The following OTOG variants were observed in gnomAD, a reference collection of about 807,000 sequenced individuals.
OTOG encodes the protein otogelin.
In OTOG, 296 loss-of-function variants were observed where a neutral mutation model predicts 313.8. The observed-to-expected ratio is 0.94, with a 90% CI of 0.86 to 1.04. OTOG has a LOEUF of 1.04. OTOG is among the 50% of genes least tolerant of loss of function. The pLI, the probability that OTOG is intolerant of heterozygous loss-of-function variation, is 0.00. For synonymous variants in OTOG, 1,533 were observed against 1,554.9 expected (o/e 0.99, Z 0.33); for missense variants, 3,948 against 3,840.1 (o/e 1.03, Z -0.74).
intron 24 of OTOG, among the ~76,000 whole-genome samples, chr11:17,588,316 G>A (rs1056572884): frequency 1.8e-4 from 27 of 152,212 alleles, no homozygotes; most frequent in African/African-American, 6.5e-4. Context: ...GGAGGCAGGT[G>A]CTGGAGATGT....
rs1469491952 is a variant in OTOG, at chr11:17,635,075, C to T, written c.7586-5C>T. 1.3e-6 allele frequency: 2 copies of T among 1,546,400 alleles called. No individual in the cohort carries two copies. The highest frequency in any genetic ancestry group is 2.0e-5 in the Admixed American group (1 of 50,864). On this transcript the variant is annotated splice_region_variant and splice_polypyrimidine_tract_variant and intron_variant, in intron 45 of 55. Coordinates refer to ENST00000399397, the MANE Select transcript of OTOG (RefSeq NM_001292063.2). ...CCCAGCACCTAAATTCAGCCTTTTC[C>T]CCAGAGTGTGACCCAGATCTCTGTG...
chr11:17,558,878 A>G (rs1227868276), intron 10 of OTOG, among the ~76,000 whole-genome samples, 174 bp from the exon 11 acceptor site: 4 of 152,372 alleles, frequency 2.6e-5, no homozygotes, highest in Middle Eastern at 6.8e-3. Flanking sequence ...ACTAGAATCC[A>G]GGATTTATAG....
chr11:17,594,933 T>C (rs1853055400), intron 28 of OTOG, among the ~76,000 whole-genome samples: 1 of 152,212 alleles, frequency 6.6e-6, no homozygotes, highest in African/African-American at 2.4e-5. Context: ...ATCCAAGATC[T>C]GTGTCAAGCT....
Position 17,572,111 on chromosome 11 carries a change from C to T in OTOG, c.1987C>T (p.Gln663Ter). 1 of 1,550,520 alleles carries T rather than the reference C, an allele frequency of 6.4e-7. No homozygotes were observed. The highest frequency in any genetic ancestry group is 1.2e-5 in the South Asian group (1 of 84,052). The change falls in exon 18 of 56, where the codon CAA becomes TAA. Residue 663 changes from glutamine to a stop codon, truncating the protein, a stop_gained. Coordinates refer to ENST00000399397, the MANE Select transcript of OTOG (RefSeq NM_001292063.2). LOFTEE classifies it high-confidence loss of function. ...SPVGVPESTP[Q>*]LFGNSWKTLS... Reference sequence around the variant, plus strand: ...AGTGGGTGTACCTGAGAGCACCCCACAACTTTTTGGCAATTCCTGGAAAAC... The same window carrying T: ...AGTGGGTGTACCTGAGAGCACCCCATAACTTTTTGGCAATTCCTGGAAAAC...
chr11:17,631,763 G>A lies in OTOG; in HGVS notation c.6774G>A (p.Gly2258=). The stretch of plus-strand genomic sequence containing the variant: ...TGAAGGATGGCTCAGTGGTGGGTGG[G>A]GCTGAGGACCCTGCTCCCTTTCTGG... ...LTLKDGSVVG[G]AEDPAPFLDS... The change falls in exon 41 of 56, where the codon GGG becomes GGA. Residue 2258 remains glycine, a synonymous_variant. Coordinates refer to ENST00000399397, the MANE Select transcript of OTOG (RefSeq NM_001292063.2). 8 of 1,550,610 alleles carry A rather than the reference G, an allele frequency of 5.2e-6. No homozygotes were observed. Among genetic ancestry groups the A allele is most frequent in the Non-Finnish European group, 7.0e-6 (8 of 1,147,000 alleles).
In OTOG at chr11:17,613,669, C is replaced by T. The variant is rs751516072; in HGVS notation, c.6496C>T (p.His2166Tyr). The T allele has an allele frequency of 8.4e-6, 13 of 1,550,762 alleles. No homozygotes were observed. In the South Asian group the frequency reaches 1.5e-4, roughly 18 times the overall value. ...LVMLNMTHLA[H>Y]QVTIDRFNRK... ...GATGTTGAACATGACTCACTTGGCC[C>T]ATCAGGTCACTATTGATCGCTTCAA... Residue 2166 changes from histidine (H) to tyrosine (Y), a missense_variant, in exon 39 of 56, where the codon CAT (histidine) becomes TAT (tyrosine). Transcript: ENST00000399397.
At chr11:17,627,524 T>C (rs1471311598) in intron 39 of OTOG, among the ~76,000 whole-genome samples, 4 of 152,190 alleles carry the variant, frequency 2.6e-5, no homozygotes, top group African/African-American at 7.2e-5. Context: ...TTTGCATCAA[T>C]ATTTTTCAGA....
Position 17,631,790 on chromosome 11 carries a change from C to G in OTOG, c.6801C>G (p.Asp2267Glu). The change falls in exon 41 of 56, where the codon GAC becomes GAG. Residue 2267 changes from aspartate to glutamate, a missense_variant. Coordinates refer to ENST00000399397, the MANE Select transcript of OTOG (RefSeq NM_001292063.2). Reference protein sequence around the residue: ...GGAEDPAPFLDSWQVPSSLTS... With the variant: ...GGAEDPAPFLESWQVPSSLTS... ...CTGAGGACCCTGCTCCCTTTCTGGA[C>G]AGCTGGCAGGTGCCCAGCTCCCTGA... 1 of 1,550,660 alleles carries G rather than the reference C, an allele frequency of 6.4e-7. No individual in the cohort carries two copies. The highest frequency in any genetic ancestry group is 8.7e-7 in the Non-Finnish European group (1 of 1,147,012).
chr11:17,634,763 G>T, intron 44 of OTOG, 81 bp from the exon 45 acceptor site: 2 of 1,222,520 alleles, frequency 1.6e-6, no homozygotes, highest in Non-Finnish European at 2.3e-6. Flanking sequence ...CAGGGGTTGG[G>T]CAGTTGTCCA....
Position 17,609,332 on chromosome 11 carries a change from G to C in OTOG, c.4354+123G>C, listed in dbSNP as rs533672878. The C allele has an allele frequency of 3.2e-5, 28 of 884,068 alleles. No individual in the cohort carries two copies. In the East Asian group the frequency reaches 7.4e-4, roughly 23 times the overall value. The allele number at this position is 884,068 out of a possible 1,614,324, so 54.8% of individuals were successfully genotyped here. ...AGCAAGATCAGCACAGGGACCTTTG[G>C]AAAGAGGCACAGGCACAGGGGATGC... On this transcript the variant is annotated intron_variant, in intron 35 of 55. Coordinates refer to ENST00000399397, the MANE Select transcript of OTOG (RefSeq NM_001292063.2).
At chr11:17,644,481 A>G (rs1235702694) in intron 54 of OTOG, among the ~76,000 whole-genome samples, 2 of 152,214 alleles carry the variant, frequency 1.3e-5, no homozygotes, top group African/African-American at 4.8e-5. Context: ...ATATTTGTGG[A>G]GCGCCAACTA....
chr11:17,559,574 C>T lies in OTOG; in HGVS notation c.1254C>T (p.Cys418=). The change falls in exon 12 of 56, where the codon TGC becomes TGT. Residue 418 remains cysteine (C), a synonymous_variant. Coordinates refer to ENST00000399397, the MANE Select transcript of OTOG (RefSeq NM_001292063.2). The stretch of plus-strand genomic sequence containing the variant: ...AGAAGGCCTTTACCTACAATGAGTG[C>T]ATCGCCTGCTGCCCTGCCTCCTGCC... ...CKEKAFTYNE[C]IACCPASCHP... 1 of 1,550,778 alleles carries T rather than the reference C, an allele frequency of 6.4e-7. No homozygotes were observed. Among genetic ancestry groups the T allele is most frequent in the Non-Finnish European group, 8.7e-7 (1 of 1,147,044 alleles).
At chr11:17,594,310 C>T in intron 28 of OTOG, 144 bp downstream of exon 28, 3 of 1,103,310 alleles carry the variant, frequency 2.7e-6, no homozygotes, top group Non-Finnish European at 3.9e-6. Context: ...GCATCCCTAG[C>T]CCTAGACTCT....
At position 17,559,132 on chromosome 11, in the gene OTOG, A is replaced by C. The variant is rs876657936; in HGVS notation, c.1184A>C (p.Gln395Pro). The C allele has an allele frequency of 1.2e-4, 179 of 1,541,236 alleles. 1 individual carries two copies. The Admixed American group carries it at 2.8e-3, about 24-fold the overall frequency. Residue 395 changes from glutamine (Q) to proline (P), a missense_variant, in exon 11 of 56, where the codon CAA becomes CCA. Physicochemically the swap from Gln to Pro is moderately conservative, Grantham distance 76 (BLOSUM62 -1). Coordinates refer to ENST00000399397, the MANE Select transcript of OTOG (RefSeq NM_001292063.2). ...RACAQAGRPL[Q>P]GWRTQLRQCT... ...TGTGCCCAGGCAGGGCGGCCCTTGC[A>C]AGGCTGGAGGACCCAGCTCCGGCAA...
chr11:17,633,550 T>G, intron 42 of OTOG, 130 bp from the exon 43 acceptor site: 1 of 850,864 alleles, frequency 1.2e-6, no homozygotes, highest in South Asian at 1.9e-5. Flanking sequence ...GCCCTTTAAC[T>G]TATGCACTCT....
intron 32 of OTOG, among the ~76,000 whole-genome samples, chr11:17,603,117 C>T (rs973797444): frequency 1.3e-5 from 2 of 151,848 alleles, no homozygotes; most frequent in African/African-American, 4.8e-5. Context: ...CCTGCCCAGC[C>T]CCAGGCACAG....
chr11:17,560,431 GT>G (rs1341826721), intron 12 of OTOG, among the ~76,000 whole-genome samples: 1 of 152,174 alleles, frequency 6.6e-6, no homozygotes, highest in Non-Finnish European at 1.5e-5. Context: ...TTTTGATGCG[GT>G]GACAGGCTTT....
chr11:17,635,727 G>C lies in OTOG; in HGVS notation c.7795+16G>C. The C allele has an allele frequency of 6.5e-7, 1 of 1,544,208 alleles. No individual in the cohort carries two copies. The highest frequency in any genetic ancestry group is 8.8e-7 in the Non-Finnish European group (1 of 1,141,264). On this transcript the variant is annotated intron_variant, in intron 47 of 55. Coordinates refer to ENST00000399397, the MANE Select transcript of OTOG (RefSeq NM_001292063.2). ...TACCAGTGTGGTGAGTCCTGGCTGGGCACATGGCGGGCTGCGGCAGGAAGG... is the reference window on the plus strand; with the variant it reads ...TACCAGTGTGGTGAGTCCTGGCTGGCCACATGGCGGGCTGCGGCAGGAAGG...
intron 18 of OTOG, 36 bp from the exon 19 acceptor site, chr11:17,573,042 C>G (rs866591171): frequency 1.3e-6 from 2 of 1,504,040 alleles, no homozygotes; most frequent in South Asian, 1.2e-5. Flanking sequence ...TAGACCGACT[C>G]CCCTGACTGC....
Sources: gnomAD v4.1 joint callset for allele counts (sites outside exome capture counted in the v4.1 genomes callset) on GRCh38, gnomAD v4.1.1 for gene constraint, MANE v1.5 for transcripts, NCBI Gene and HGNC (gene_info 2026-07-23, HGNC 2026-07-21) for gene names.